MSRB3: variants seen among roughly 807,000 people sequenced by gnomAD.
The protein encoded by MSRB3 is methionine sulfoxide reductase B3, also known as methionine-R-sulfoxide reductase B3.
MSRB3 carries 13 observed loss-of-function variants against 21.0 expected under a neutral mutation model. The ratio of observed to expected loss-of-function variants is 0.62; its 90% CI spans 0.40 to 0.98. The LOEUF is 0.98. Among genes scored for constraint, MSRB3 ranks in the 50% least tolerant of loss-of-function variants. The pLI is 0.00. For synonymous variants in MSRB3, 87 were observed against 88.6 expected, an observed-to-expected ratio of 0.98 and a Z score of 0.10; for missense variants, 199 against 230.3, an observed-to-expected ratio of 0.86 and a Z score of 0.88.
chr12:65,301,825 C>T (rs1032917586), intron 1 of MSRB3, among the ~76,000 whole-genome samples: 1 of 152,132 alleles, frequency 6.6e-6, no homozygotes, highest in Admixed American at 6.5e-5. Flanking sequence ...AGATTTTCTT[C>T]ACGTATGTAC....
chr12:65,442,024 A>G (rs1015914266), intron 5 of MSRB3, among the ~76,000 whole-genome samples: 5 of 152,162 alleles, frequency 3.3e-5, no homozygotes, highest in African/African-American at 1.2e-4. Flanking sequence ...TATTTTCAAG[A>G]ATGGTTTTCA....
At chr12:65,354,683 T>C (rs756000319) in intron 4 of MSRB3, among the ~76,000 whole-genome samples, 4 of 151,800 alleles carry the variant, frequency 2.6e-5, no homozygotes, top group Non-Finnish European at 5.9e-5. Context: ...GGTAGATGTA[T>C]AGGTTTCATG....
intron 4 of MSRB3, among the ~76,000 whole-genome samples, chr12:65,337,253 AAAAAC>A (rs999794039): frequency 6.7e-6 from 1 of 149,328 alleles, no homozygotes; most frequent in Non-Finnish European, 1.5e-5. Context: ...AAAAAAAACA[AAAAAC>A]AAAACAAAAC....
intron 3 of MSRB3, among the ~76,000 whole-genome samples, chr12:65,327,615 T>C (rs1875136254): frequency 1.3e-5 from 2 of 152,238 alleles, no homozygotes; most frequent in Admixed American, 1.3e-4. Flanking sequence ...ATTTATACCA[T>C]GGAGCTTGGC....
intron 5 of MSRB3, among the ~76,000 whole-genome samples, chr12:65,425,099 G>A (rs368254839): frequency 8.5e-3 from 72 of 8,492 alleles, no homozygotes; most frequent in African/African-American, 0.022. Context: ...CTGCTTTATC[G>A]TTATATAATG....
chr12:65,461,762 A>G (rs961159609), intron 6 of MSRB3, among the ~76,000 whole-genome samples: 1 of 152,140 alleles, frequency 6.6e-6, no homozygotes. Context: ...TTATACACCA[A>G]ATCAGCACAG....
intron 5 of MSRB3, among the ~76,000 whole-genome samples, chr12:65,451,554 C>T (rs1316567888): frequency 1.3e-5 from 2 of 152,126 alleles, no homozygotes; most frequent in Non-Finnish European, 2.9e-5. Context: ...CCTGTGTAAC[C>T]TTGGCAAGTA....
At chr12:65,304,191 C>T (rs1272528039) in intron 1 of MSRB3, among the ~76,000 whole-genome samples, 1 of 152,070 alleles carries the variant, frequency 6.6e-6, no homozygotes, top group East Asian at 1.9e-4. Context: ...TTCTCAGACC[C>T]TTTATATTGG....
intron 5 of MSRB3, among the ~76,000 whole-genome samples, chr12:65,405,466 A>C (rs1360042022): frequency 6.6e-6 from 1 of 151,522 alleles, no homozygotes; most frequent in Non-Finnish European, 1.5e-5. Flanking sequence ...TACACCACAT[A>C]TTCCTTATCC....
At chr12:65,317,471 C>T (rs1874373459) in intron 2 of MSRB3, among the ~76,000 whole-genome samples, 2 of 152,164 alleles carry the variant, frequency 1.3e-5, no homozygotes, top group South Asian at 2.1e-4. Flanking sequence ...AGAAGGTCTT[C>T]AAGAAACCCA....
At chr12:65,425,213 T>C (rs2136652725) in intron 5 of MSRB3, among the ~76,000 whole-genome samples, 1 of 151,716 alleles carries the variant, frequency 6.6e-6, no homozygotes, top group East Asian at 1.9e-4. Context: ...GGAATATCTT[T>C]TTCCATGCTT....
rs560310695 is a variant in MSRB3, at chr12:65,400,624, G to A, written c.292+31598G>A. 2.6e-5 allele frequency among the ~76,000 whole-genome samples: 4 copies of A among 152,132 alleles called. No homozygotes were observed. In the South Asian group the frequency reaches 8.3e-4, roughly 32 times the overall value. Reference sequence around the variant, plus strand: ...TCTTTATCTCCTTCAGTTCTGCTCGGATCTTAGTTATTTCTTGTCTTCTGC... The same window carrying A: ...TCTTTATCTCCTTCAGTTCTGCTCGAATCTTAGTTATTTCTTGTCTTCTGC... On this transcript the variant is annotated intron_variant, in intron 5 of 6. Transcript: ENST00000308259.
intron 1 of MSRB3, among the ~76,000 whole-genome samples, chr12:65,292,927 A>T (rs947639272): frequency 6.6e-6 from 1 of 152,122 alleles, no homozygotes; most frequent in South Asian, 2.1e-4. Context: ...TACAGACAGA[A>T]CTAAAGCCAT....
intron 4 of MSRB3, 32 bp downstream of exon 4, chr12:65,328,635 G>A (rs753678725): frequency 2.0e-5 from 28 of 1,411,802 alleles, no homozygotes; most frequent in Non-Finnish European, 2.6e-5. Context: ...AGGTATGGCT[G>A]TATCATAGAT....
intron 5 of MSRB3, among the ~76,000 whole-genome samples, chr12:65,424,565 C>A (rs1881479291): frequency 6.6e-6 from 1 of 151,826 alleles, no homozygotes; most frequent in Non-Finnish European, 1.5e-5. Context: ...TCTTCTTTGA[C>A]CTTTTGGTTG....
intron 5 of MSRB3, among the ~76,000 whole-genome samples, chr12:65,437,834 G>T (rs2136674809): frequency 6.6e-6 from 1 of 152,058 alleles, no homozygotes; most frequent in South Asian, 2.1e-4. Flanking sequence ...GGATCTGAGA[G>T]ATTTTTGCTA....
At chr12:65,355,399 C>T (rs1223957772) in intron 4 of MSRB3, among the ~76,000 whole-genome samples, 1 of 151,806 alleles carries the variant, frequency 6.6e-6, no homozygotes, top group Non-Finnish European at 1.5e-5. Context: ...TAAGGTCAAA[C>T]CAGATAACTA....
intron 5 of MSRB3, among the ~76,000 whole-genome samples, chr12:65,392,427 A>G (rs78660929): frequency 0.018 from 2,734 of 152,314 alleles, 89 homozygotes; most frequent in African/African-American, 0.063. Context: ...CTGAGGAATG[A>G]GTGGATTTAA....
chr12:65,429,110 A>G (rs1881756403), intron 5 of MSRB3, among the ~76,000 whole-genome samples: 1 of 152,224 alleles, frequency 6.6e-6, no homozygotes, highest in Admixed American at 6.5e-5. Flanking sequence ...TACAGTGGCA[A>G]ACAGACAGGG....
Sources: gnomAD v4.1 joint callset for allele counts (sites outside exome capture counted in the v4.1 genomes callset) on GRCh38, gnomAD v4.1.1 for gene constraint, MANE v1.5 for transcripts, NCBI Gene and HGNC (gene_info 2026-07-23, HGNC 2026-07-21) for gene names.